The following RFPL4A variants were observed in gnomAD, a reference collection of about 807,000 sequenced individuals.
RFPL4A encodes ret finger protein-like 4A.
A neutral mutation model predicts 8.3 loss-of-function variants in RFPL4A; 4 were observed. The observed-to-expected ratio is 0.48, with a 90% CI of 0.24 to 1.10. The LOEUF (loss-of-function observed/expected upper bound fraction) is 1.10, where lower values mean the gene tolerates loss of function less well. RFPL4A is among the 50% of genes least tolerant of loss of function. The pLI is 0.18. For missense variants in RFPL4A, 111 were observed against 358.7 expected (o/e 0.31, Z 5.58); for synonymous variants, 43 against 136.6 (o/e 0.31, Z 4.78).
At chr19:55,758,306 G>T (rs550728754), upstream of RFPL4A, among the ~76,000 whole-genome samples, 1 of 152,422 alleles carries the variant, frequency 6.6e-6, no homozygotes, top group Admixed American at 6.5e-5. Flanking sequence ...GATTACTGTG[G>T]AGATGATTAA....
In RFPL4A at chr19:55,761,889, G is replaced by A. The variant is rs750573187; in HGVS notation, c.89G>A (p.Cys30Tyr). Residue 30 changes from cysteine (C) to tyrosine (Y), a missense_variant, in exon 2 of 3, where the codon TGC becomes TAC. Transcript: ENST00000434937. ...GTGCAACTGAAATGTGGATATGCCTGCTGCCTCCAGTGCCTCAATTCACTC... is the reference window on the plus strand; with the variant it reads ...GTGCAACTGAAATGTGGATATGCCTACTGCCTCCAGTGCCTCAATTCACTC... ...EAVQLKCGYA[C>Y]CLQCLNSLQK... 4 of 1,502,334 alleles carry A rather than the reference G, an allele frequency of 2.7e-6. No individual in the cohort carries two copies. The highest frequency in any genetic ancestry group is 1.5e-5 in the African/African-American group (1 of 67,504). 93.1% of individuals were successfully genotyped at this position (1,502,334 alleles called of 1,614,324 possible).
Position 55,762,717 on chromosome 19 carries a change from A to C in RFPL4A, c.406A>C (p.Thr136Pro), listed in dbSNP as rs1027130054. ...NRKEQAERFD[T>P]ALCVLGTPRF... ...GAAGGAGCAAGCTGAGAGGTTCGAC[A>C]CTGCCCTGTGCGTCCTGGGCACCCC... Residue 136 changes from threonine to proline, a missense_variant, in exon 3 of 3, where the codon ACT becomes CCT. Coordinates refer to ENST00000434937, the MANE Select transcript of RFPL4A (RefSeq NM_001145014.2). 1.9e-6 allele frequency: 3 copies of C among 1,550,908 alleles called. No individual in the cohort carries two copies. The highest frequency in any genetic ancestry group is 2.7e-5 in the African/African-American group (2 of 72,906).
At chr19:55,759,400 G>C (rs2927548) in intron 1 of RFPL4A, among the ~76,000 whole-genome samples, 221 of 151,738 alleles carry the variant, frequency 1.5e-3, no homozygotes, top group Non-Finnish European at 2.5e-3. Context: ...TGAATTTCGT[G>C]AGAATTTGGT....
At position 55,763,263 on chromosome 19, in the gene RFPL4A, C is replaced by T. The variant is rs1417037385; in HGVS notation, c.*88C>T. 4.5e-6 allele frequency: 5 copies of T among 1,120,084 alleles called. No homozygotes were observed. In the East Asian group the frequency reaches 7.7e-5, roughly 17 times the overall value. The allele number at this position is 1,120,084 out of a possible 1,614,324, so 69.4% of individuals were successfully genotyped here. On this transcript the variant is annotated 3_prime_UTR_variant, in exon 3 of 3. Transcript: ENST00000434937. The stretch of plus-strand genomic sequence containing the variant: ...CTTTTCCGCTAGATACACATAGGTA[C>T]AAAGGGACAGAAGGGAAAGAGCCAT...
intron 1 of RFPL4A, among the ~76,000 whole-genome samples, chr19:55,760,773 G>C (rs183272592): frequency 6.6e-6 from 1 of 151,708 alleles, no homozygotes; most frequent in East Asian, 2.0e-4. Context: ...AACAGCCACT[G>C]TTTTGGTCCT....
chr19:55,757,439 C>T (rs1426569347), upstream of RFPL4A, among the ~76,000 whole-genome samples: 2 of 151,944 alleles, frequency 1.3e-5, no homozygotes, highest in Non-Finnish European at 2.9e-5. Context: ...CCACCGAAGC[C>T]AACCATTTAC....
At chr19:55,757,893 C>G (rs12463342), upstream of RFPL4A, among the ~76,000 whole-genome samples, 1 of 151,700 alleles carries the variant, frequency 6.6e-6, no homozygotes, top group Non-Finnish European at 1.5e-5. Context: ...TCAAGCTTTA[C>G]GGGAAGCAGA....
rs557328100 is a variant in RFPL4A at position 55,761,227 on chromosome 19, A to G, written c.-9-565A>G. Reference sequence around the variant, plus strand: ...CAGTTGGGGAAGTAGAAGGTCTTCAAATGGACTCCAGCACTGTCCAATAGA... The same window carrying G: ...CAGTTGGGGAAGTAGAAGGTCTTCAGATGGACTCCAGCACTGTCCAATAGA... On this transcript the variant is annotated intron_variant, in intron 1 of 2. Transcript: ENST00000434937. Among the ~76,000 whole-genome samples the G allele has an allele frequency of 4.4e-4, 61 of 139,844 alleles. 8 individuals are homozygous for G. Among genetic ancestry groups the G allele is most frequent in the Non-Finnish European group, 7.1e-4 (44 of 61,772 alleles). 91.7% of individuals were successfully genotyped at this position (139,844 alleles called of 152,430 possible).
At chr19:55,759,742 G>T (rs1165139773) in intron 1 of RFPL4A, among the ~76,000 whole-genome samples, 2 of 151,336 alleles carry the variant, frequency 1.3e-5, no homozygotes, top group Non-Finnish European at 2.9e-5. Flanking sequence ...AGGCTGGAGT[G>T]CAGTGGCTAT....
chr19:55,758,522 T>G (rs1261898440), upstream of RFPL4A, among the ~76,000 whole-genome samples: 8 of 151,310 alleles, frequency 5.3e-5, no homozygotes, highest in Non-Finnish European at 1.5e-5. Flanking sequence ...ATTGTAACAG[T>G]AACGTTTAAC....
Position 55,762,071 on chromosome 19 carries a change from A to ATGAGGAAGTTTCAAGG in RFPL4A, c.273_286+2dup. The ATGAGGAAGTTTCAAGG allele has an allele frequency of 6.8e-7, 1 of 1,469,214 alleles. No individual in the cohort carries two copies. Among genetic ancestry groups the ATGAGGAAGTTTCAAGG allele is most frequent in the East Asian group, 2.5e-5 (1 of 40,804 alleles). 91.0% of individuals were successfully genotyped at this position (1,469,214 alleles called of 1,614,324 possible). A position where few individuals can be genotyped will look rare whatever the true frequency, so the allele number is the denominator to read the frequency against. On this transcript the variant is annotated frameshift_variant, in exon 2 of 3. Transcript: ENST00000434937. LOFTEE classifies it low-confidence loss of function (END_TRUNC). ...ATCTGTTCTAACAATGAACCCAAGGATGAGGAAGTTTCAAGGTAAGGAATC... is the reference window on the plus strand; with the variant it reads ...ATCTGTTCTAACAATGAACCCAAGGATGAGGAAGTTTCAAGGTGAGGAAGTTTCAAGGTAAGGAATC...
chr19:55,760,113 C>A (rs1989252475), intron 1 of RFPL4A, among the ~76,000 whole-genome samples: 1 of 151,672 alleles, frequency 6.6e-6, no homozygotes, highest in Non-Finnish European at 1.5e-5. Flanking sequence ...TTTCAGAAAC[C>A]TCCCTACTAT....
In RFPL4A at chr19:55,762,647, T is replaced by C; in HGVS notation, c.336T>C (p.Ser112=). 1.3e-6 allele frequency: 2 copies of C among 1,551,632 alleles called. No homozygotes were observed. The highest frequency in any genetic ancestry group is 2.4e-5 in the East Asian group (1 of 40,924). ...CAGCCAACAACTATCTCATCATTTCTGAAGACCTGAGGAGTTTCCGAAGTG... is the reference window on the plus strand; with the variant it reads ...CAGCCAACAACTATCTCATCATTTCCGAAGACCTGAGGAGTTTCCGAAGTG... ...VDTANNYLII[S]EDLRSFRSGD... The change falls in exon 3 of 3, where the codon TCT becomes TCC. Residue 112 remains serine, a synonymous_variant. Transcript: ENST00000434937.
chr19:55,760,074 T>G (rs1294644025), intron 1 of RFPL4A, among the ~76,000 whole-genome samples: 1 of 151,748 alleles, frequency 6.6e-6, no homozygotes, highest in Non-Finnish European at 1.5e-5. Flanking sequence ...GTAGGGTTGC[T>G]GGAACACAGG....
chr19:55,762,137 G>A (rs1989299016), intron 2 of RFPL4A, 51 bp downstream of exon 2: 1 of 1,535,144 alleles, frequency 6.5e-7, no homozygotes, highest in Non-Finnish European at 8.8e-7. Context: ...CTGGGAAAAT[G>A]TCTTTCAAAC....
chr19:55,757,847 G>A (rs1272816220), upstream of RFPL4A, among the ~76,000 whole-genome samples: 1 of 151,428 alleles, frequency 6.6e-6, no homozygotes, highest in Non-Finnish European at 1.5e-5. Flanking sequence ...CACAACTGAG[G>A]CCACCTGGTA....
At chr19:55,761,085 C>G (rs77038394) in intron 1 of RFPL4A, among the ~76,000 whole-genome samples, 7,017 of 94,004 alleles carry the variant, frequency 0.075, 1,470 homozygotes, top group Non-Finnish European at 0.13. Flanking sequence ...CTGGTTTTTC[C>G]TTTTTTTTTT....
chr19:55,758,261 T>C (rs1251842564), upstream of RFPL4A, among the ~76,000 whole-genome samples: 1 of 152,308 alleles, frequency 6.6e-6, no homozygotes, highest in Admixed American at 6.5e-5. Flanking sequence ...TGGCTTTGAA[T>C]AGGAAAGAAG....
intron 2 of RFPL4A, 146 bp downstream of exon 2, chr19:55,762,232 G>A: frequency 1.4e-6 from 1 of 702,288 alleles, no homozygotes. Context: ...TCTCACCTTT[G>A]CGTAGAGATT....
Sources: allele counts gnomAD v4.1 joint callset (sites outside exome capture counted in the v4.1 genomes callset), GRCh38; gene constraint gnomAD v4.1.1; transcripts MANE v1.5; gene names NCBI Gene and HGNC (gene_info 2026-07-23, HGNC 2026-07-21).